ATIC: variants seen among roughly 807,000 people sequenced by gnomAD.
The protein encoded by ATIC is 5-aminoimidazole-4-carboxamide ribonucleotide formyltransferase/IMP cyclohydrolase.
A neutral mutation model predicts 72.5 loss-of-function variants in ATIC; 64 were observed. The ratio of observed to expected loss-of-function variants is 0.88; its 90% CI spans 0.72 to 1.09. The LOEUF is 1.09. Ranked by LOEUF, ATIC falls within the 50% of genes least tolerant of loss-of-function variation. The pLI, the probability that ATIC is intolerant of heterozygous loss-of-function variation, is 0.00. For synonymous variants in ATIC, 281 were observed against 267.1 expected, an observed-to-expected ratio of 1.05 and a Z score of -0.51; for missense variants, 787 against 732.4, an observed-to-expected ratio of 1.07 and a Z score of -0.86.
intron 4 of ATIC, among the ~76,000 whole-genome samples, chr2:215,324,002 TC>T (rs1008796758): frequency 2.0e-5 from 3 of 152,306 alleles, no homozygotes; most frequent in Non-Finnish European, 2.9e-5. Flanking sequence ...CCTCAGTTGA[TC>T]CATCCTCCTG....
intron 10 of ATIC, among the ~76,000 whole-genome samples, chr2:215,335,501 G>T (rs192172769): frequency 1.8e-4 from 28 of 152,304 alleles, no homozygotes; most frequent in African/African-American, 6.7e-4. Context: ...ATAAGCAGAG[G>T]TGAAGGCTGA....
intron 12 of ATIC, among the ~76,000 whole-genome samples, chr2:215,341,360 T>G (rs1378778040): frequency 6.6e-6 from 1 of 152,150 alleles, no homozygotes; most frequent in African/African-American, 2.4e-5. Flanking sequence ...GTCTTTTTTC[T>G]AAGGTTTGTA....
rs903756807 is a variant in ATIC, at chr2:215,349,136, C to T, written c.1546C>T (p.Pro516Ser). 2.5e-6 allele frequency: 4 copies of T among 1,613,884 alleles called. No homozygotes were observed. The highest frequency in any genetic ancestry group is 2.2e-5 in the East Asian group (1 of 44,848). The part of the protein sequence containing the change: ...IKWKALFEEV[P>S]ELLTEAEKKE... ...GTGGAAGGCACTGTTTGAGGAAGTC[C>T]CTGAGTTACTCACTGAGGCAGAGAA... The change falls in exon 15 of 16, where the codon CCT becomes TCT. Residue 516 changes from proline to serine, a missense_variant. Coordinates refer to ENST00000236959, the MANE Select transcript of ATIC (RefSeq NM_004044.7).
Position 215,333,419 on chromosome 2 carries a change from C to T in ATIC, c.884C>T (p.Thr295Ile). 1 of 1,614,074 alleles carries T rather than the reference C, an allele frequency of 6.2e-7. No individual in the cohort carries two copies. The highest frequency in any genetic ancestry group is 8.5e-7 in the Non-Finnish European group (1 of 1,179,998). Residue 295 changes from threonine to isoleucine, a missense_variant, in exon 9 of 16, where the codon ACC (threonine) becomes ATC (isoleucine). Transcript: ENST00000236959. ...TGCATGGTTTATGATCTCTATAAAA[C>T]CCTCACACCCATCTCAGCGGCATAT... The part of the protein sequence containing the change: ...KVCMVYDLYK[T>I]LTPISAAYAR...
chr2:215,363,254 T>C, the ATIC span: 1 of 152,106 alleles, frequency 6.6e-6, no homozygotes, highest in African/African-American at 2.4e-5. Flanking sequence ...GCATAAATAA[T>C]GAGAAGATGC....
At chr2:215,350,624 C>T (rs1049637328), downstream of ATIC, among the ~76,000 whole-genome samples, 23 of 152,106 alleles carry the variant, frequency 1.5e-4, no homozygotes, top group South Asian at 2.1e-4. Context: ...TTCAGCAGCC[C>T]GAGATTCACC....
chr2:215,332,429 G>T lies in ATIC; in HGVS notation c.736G>T (p.Ala246Ser). 1 of 1,614,018 alleles carries T rather than the reference G, an allele frequency of 6.2e-7. No homozygotes were observed. Among genetic ancestry groups the T allele is most frequent in the Non-Finnish European group, 8.5e-7 (1 of 1,180,022 alleles). Reference sequence around the variant, plus strand: ...TATAAACTTGTGCGATGCTTTGAACGCCTGGCAGCTGGTGAAGGAACTCAA... The same window carrying T: ...TATAAACTTGTGCGATGCTTTGAACTCCTGGCAGCTGGTGAAGGAACTCAA... ...GFINLCDALN[A>S]WQLVKELKEA... is the part of the protein sequence containing the mutation. The change falls in exon 8 of 16, where the codon GCC becomes TCC. Residue 246 changes from alanine (A) to serine (S), a missense_variant. Ala to Ser is a moderately conservative substitution (Grantham distance 99, BLOSUM62 1). Coordinates refer to ENST00000236959, the MANE Select transcript of ATIC (RefSeq NM_004044.7).
the ATIC span, among the ~76,000 whole-genome samples, chr2:215,357,740 G>GA: frequency 1.3e-5 from 2 of 151,988 alleles, no homozygotes; most frequent in Non-Finnish European, 2.9e-5. Context: ...CAAGTATTTT[G>GA]AAAAAACTTC....
chr2:215,349,879 G>A, downstream of ATIC: 1 of 739,156 alleles, frequency 1.4e-6, no homozygotes, highest in Non-Finnish European at 2.1e-6. Flanking sequence ...CCGGAGCTCA[G>A]CCCATCCCAC....
chr2:215,352,886 T>C (rs1200822838), downstream of ATIC, among the ~76,000 whole-genome samples: 3 of 152,062 alleles, frequency 2.0e-5, no homozygotes, highest in East Asian at 1.9e-4. Flanking sequence ...TCCCACGTGC[T>C]GGGCTGTGCC....
At chr2:215,344,720 CTTAAAG>C in intron 12 of ATIC, 53 bp from the exon 13 acceptor site, 1 of 1,505,658 alleles carries the variant, frequency 6.6e-7, no homozygotes. Flanking sequence ...AAAAAAGAAG[CTTAAAG>C]TTAAATGAGT....
chr2:215,352,013 C>A (rs1307571674), downstream of ATIC, among the ~76,000 whole-genome samples: 1 of 152,098 alleles, frequency 6.6e-6, no homozygotes, highest in Non-Finnish European at 1.5e-5. Context: ...AAATACCTTC[C>A]TACTGTCAAG....
At chr2:215,328,908 GGTTTCACCAC>G (rs1194488701) in intron 7 of ATIC, among the ~76,000 whole-genome samples, 2 of 152,002 alleles carry the variant, frequency 1.3e-5, no homozygotes, top group African/African-American at 2.4e-5. Flanking sequence ...GTAGAGATAG[GGTTTCACCAC>G]GTTGGCCAGG....
chr2:215,314,956 GAC>G (rs1285155512), intron 2 of ATIC, among the ~76,000 whole-genome samples: 2 of 152,158 alleles, frequency 1.3e-5, no homozygotes, highest in African/African-American at 4.8e-5. Flanking sequence ...AAGACCCAAA[GAC>G]AGAGGAAAAA....
intron 10 of ATIC, 117 bp from the exon 11 acceptor site, chr2:215,335,918 G>C: frequency 1.3e-6 from 1 of 777,776 alleles, no homozygotes; most frequent in Non-Finnish European, 2.1e-6. Flanking sequence ...TTGTTTGTTG[G>C]AGGCAGAAAC....
intron 11 of ATIC, among the ~76,000 whole-genome samples, chr2:215,337,114 A>T (rs2052964730): frequency 6.9e-6 from 1 of 145,554 alleles, no homozygotes. Flanking sequence ...GATTTTTATG[A>T]GCTCTTCTGT....
At chr2:215,336,921 G>T (rs1575122046) in intron 11 of ATIC, among the ~76,000 whole-genome samples, 1 of 152,270 alleles carries the variant, frequency 6.6e-6, no homozygotes, top group Non-Finnish European at 1.5e-5. Flanking sequence ...CAGCATTGTG[G>T]TTTTATACTT....
At position 215,346,744 on chromosome 2, in the gene ATIC, G is replaced by T. The variant is rs767911853; in HGVS notation, c.1321-15G>T. Reference sequence around the variant, plus strand: ...CTTTGGAAGAGGTGTTCACTTTAATGTCTGTGTTCCTCAGGTTATCGGCAT... The same window carrying T: ...CTTTGGAAGAGGTGTTCACTTTAATTTCTGTGTTCCTCAGGTTATCGGCAT... On this transcript the variant is annotated splice_polypyrimidine_tract_variant and intron_variant, in intron 13 of 15. Coordinates refer to ENST00000236959, the MANE Select transcript of ATIC (RefSeq NM_004044.7). The T allele has an allele frequency of 3.1e-6, 5 of 1,613,754 alleles. No homozygotes were observed. Among genetic ancestry groups the T allele is most frequent in the Non-Finnish European group, 4.2e-6 (5 of 1,179,880 alleles).
intron 14 of ATIC, chr2:215,347,213 C>T: frequency 2.2e-6 from 1 of 454,396 alleles, no homozygotes; most frequent in South Asian, 2.1e-5. Context: ...TTGTACTTCC[C>T]CTGTTGATTA....
Sources: gnomAD v4.1 joint callset for allele counts (sites outside exome capture counted in the v4.1 genomes callset) on GRCh38, gnomAD v4.1.1 for gene constraint, MANE v1.5 for transcripts, NCBI Gene and HGNC (gene_info 2026-07-23, HGNC 2026-07-21) for gene names.